DDX1: variants seen among roughly 807,000 people sequenced by gnomAD.
DDX1 encodes the protein ATP-dependent RNA helicase DDX1.
Under a neutral mutation model 108.7 loss-of-function variants are expected in DDX1, and 28 were observed. The observed-to-expected ratio is 0.26, with a 90% CI of 0.19 to 0.35. The LOEUF (loss-of-function observed/expected upper bound fraction) is 0.35, where lower values mean the gene tolerates loss of function less well. DDX1 is among the 10% of genes least tolerant of loss of function. The pLI is 1.00. For missense variants in DDX1, 710 were observed against 884.5 expected, an observed-to-expected ratio of 0.80 and a Z score of 2.50; for synonymous variants, 295 against 288.9, an observed-to-expected ratio of 1.02 and a Z score of -0.21.
At chr2:15,627,610 T>C (rs1235349408) in intron 20 of DDX1, 1 of 154,894 alleles carries the variant, frequency 6.5e-6, no homozygotes. Flanking sequence ...ACGGGTCATA[T>C]AGCTCTTGGT....
chr2:15,614,165 G>A (rs1475250135), intron 14 of DDX1, among the ~76,000 whole-genome samples: 5 of 152,110 alleles, frequency 3.3e-5, no homozygotes, highest in Admixed American at 2.6e-4. Flanking sequence ...TGTGAAGGTA[G>A]GACTTCATGA....
At chr2:15,630,185 TACTTTC>T (rs1487762293) in intron 25 of DDX1, 75 bp downstream of exon 25, 51 of 1,418,428 alleles carry the variant, frequency 3.6e-5, no homozygotes, top group Non-Finnish European at 4.8e-5. Context: ...GGGAAGGCAG[TACTTTC>T]ATTTCATTAG....
At chr2:15,629,225 C>G (rs767583620) in intron 23 of DDX1, among the ~76,000 whole-genome samples, 4 of 152,128 alleles carry the variant, frequency 2.6e-5, no homozygotes, top group Non-Finnish European at 4.4e-5. Context: ...AGTAGTTGTA[C>G]ATTTTGCATT....
At chr2:15,622,712 C>T (rs1666032917) in intron 18 of DDX1, among the ~76,000 whole-genome samples, 1 of 152,184 alleles carries the variant, frequency 6.6e-6, no homozygotes, top group African/African-American at 2.4e-5. Context: ...AATCTGTCAT[C>T]CCAAATGCAT....
In DDX1 at chr2:15,629,700, A is replaced by G. The variant is rs750424900; in HGVS notation, c.1971+3A>G. The G allele has an allele frequency of 1.7e-5, 27 of 1,554,796 alleles. No homozygotes were observed. The highest frequency in any genetic ancestry group is 2.2e-5 in the Non-Finnish European group (26 of 1,158,760). ...CCATATGGTACAACGAGATGCAGGT[A>G]AGACTTCGAGTTAGGCTCACAAATA... On this transcript the variant is annotated splice_donor_region_variant and intron_variant, in intron 24 of 25. Transcript: ENST00000233084.
chr2:15,609,326 G>A (rs985476310), intron 13 of DDX1, among the ~76,000 whole-genome samples: 4 of 152,152 alleles, frequency 2.6e-5, no homozygotes, highest in African/African-American at 4.8e-5. Context: ...CACTTGTTTG[G>A]TATTCGGTAC....
At position 15,595,538 on chromosome 2, in the gene DDX1, A is replaced by G. The variant is rs1192712987; in HGVS notation, c.117A>G (p.Gly39=). ...AATCTATCCCATTGATCTTAGGAGGAGGTGATGTACTTATGGTAAGTTTAA... is the reference window on the plus strand; with the variant it reads ...AATCTATCCCATTGATCTTAGGAGGGGGTGATGTACTTATGGTAAGTTTAA... ...QAESIPLILG[G]GDVLMAAETG... The change falls in exon 3 of 26, where the codon GGA becomes GGG. Residue 39 remains glycine, a synonymous_variant. Coordinates refer to ENST00000233084, the MANE Select transcript of DDX1 (RefSeq NM_004939.3). 6.2e-7 allele frequency: 1 copy of G among 1,608,950 alleles called. No homozygotes were observed. Among genetic ancestry groups the G allele is most frequent in the Non-Finnish European group, 8.5e-7 (1 of 1,175,372 alleles).
intron 13 of DDX1, 41 bp from the exon 14 acceptor site, chr2:15,613,183 A>ATTTTT: frequency 9.1e-7 from 1 of 1,100,448 alleles, no homozygotes; most frequent in Non-Finnish European, 1.3e-6. Flanking sequence ...GCAGACTTTA[A>ATTTTT]TTTTTTTTTT....
rs1395564214 is a variant in DDX1 at position 15,613,008 on chromosome 2, AGAGGGAGACCGTGGGGAGAGGGAGAGGGG to A, written c.957-210_957-182del. 1.6e-4 allele frequency among the ~76,000 whole-genome samples: 23 copies of A among 146,370 alleles called. No individual in the cohort carries two copies. In the East Asian group the frequency reaches 5.0e-3, roughly 32 times the overall value. Reference sequence around the variant, plus strand: ...AGAGGGAGACCGTGGAAAGAGAGGGAGAGGGAGACCGTGGGGAGAGGGAGAGGGGGAGGGGGAGGGAGAGGGCAGCGTGT... The same window carrying A: ...AGAGGGAGACCGTGGAAAGAGAGGGAGAGGGGGAGGGAGAGGGCAGCGTGT... On this transcript the variant is annotated intron_variant, in intron 13 of 25. Coordinates refer to ENST00000233084, the MANE Select transcript of DDX1 (RefSeq NM_004939.3).
At chr2:15,620,585 C>T (rs1354510681) in intron 17 of DDX1, among the ~76,000 whole-genome samples, 189 bp downstream of exon 17, 4 of 152,124 alleles carry the variant, frequency 2.6e-5, no homozygotes, top group Admixed American at 6.5e-5. Context: ...TTTCTGTCTT[C>T]GTAATATTAC....
At chr2:15,600,478 C>T (rs1665572327) in intron 6 of DDX1, among the ~76,000 whole-genome samples, 3 of 152,188 alleles carry the variant, frequency 2.0e-5, no homozygotes, top group South Asian at 4.1e-4. Context: ...ACTATACCCT[C>T]CAGTTTCAGA....
At chr2:15,593,743 C>T (rs1665455367) in intron 1 of DDX1, among the ~76,000 whole-genome samples, 1 of 151,690 alleles carries the variant, frequency 6.6e-6, no homozygotes, top group South Asian at 2.1e-4. Flanking sequence ...TTTAGATCTT[C>T]ATTAGTTTAT....
At chr2:15,613,159 T>A (rs1012771648) in intron 13 of DDX1, 65 bp from the exon 14 acceptor site, 1 of 1,117,284 alleles carries the variant, frequency 9.0e-7, no homozygotes. Context: ...TGGATGCAGA[T>A]CAAACAATGT....
intron 13 of DDX1, among the ~76,000 whole-genome samples, chr2:15,611,867 C>T (rs1345508766): frequency 1.5e-5 from 1 of 68,732 alleles, no homozygotes; most frequent in Non-Finnish European, 2.6e-5. Flanking sequence ...GGCGGCTGGG[C>T]AGAGGCGCCC....
chr2:15,620,008 C>A (rs1665968701), intron 16 of DDX1, among the ~76,000 whole-genome samples, 200 bp from the exon 17 acceptor site: 1 of 152,158 alleles, frequency 6.6e-6, no homozygotes, highest in Non-Finnish European at 1.5e-5. Context: ...GGCATGATTT[C>A]TATGTGACAG....
chr2:15,595,505 C>G lies in DDX1; in HGVS notation c.84C>G (p.Ile28Met). ...EEMDWLLPTDIQAESIPLILG... is the reference protein window; with the variant it reads ...EEMDWLLPTDMQAESIPLILG... ...ATTCTTTTAGCCTCCCAACTGATAT[C>G]CAGGCTGAATCTATCCCATTGATCT... The change falls in exon 3 of 26, where the codon ATC becomes ATG. Residue 28 changes from isoleucine to methionine, a missense_variant. Ile to Met is a conservative substitution (Grantham distance 10). This residue lies in a region of DDX1 where 48 missense variants were observed against 57.5 expected (regional missense o/e 0.83). Transcript: ENST00000233084. The G allele has an allele frequency of 1.2e-6, 2 of 1,611,030 alleles. No individual in the cohort carries two copies. Among genetic ancestry groups the G allele is most frequent in the Non-Finnish European group, 1.7e-6 (2 of 1,177,278 alleles).
At chr2:15,611,721 G>A (rs1665765710) in intron 13 of DDX1, among the ~76,000 whole-genome samples, 1 of 98,604 alleles carries the variant, frequency 1.0e-5, no homozygotes, top group African/African-American at 5.0e-5. Flanking sequence ...CGGACGGGGC[G>A]ACTGGCCGGG....
chr2:15,597,470 A>G lies in DDX1; in HGVS notation c.258A>G (p.Ser86=), dbSNP rs1665521105. ...KGKTTIKTGA[S]VLNKWQMNPY... is the part of the protein sequence containing the mutation. ...AAACAACAATTAAAACTGGTGCTTC[A>G]GGTAATTTTTGTAAATTGATATTTC... Residue 86 remains serine, a splice_region_variant and synonymous_variant, in exon 5 of 26, where the codon TCA becomes TCG. Transcript: ENST00000233084. 1 of 1,589,664 alleles carries G rather than the reference A, an allele frequency of 6.3e-7. No individual in the cohort carries two copies. The highest frequency in any genetic ancestry group is 1.4e-5 in the African/African-American group (1 of 73,806).
chr2:15,611,516 G>GCC (rs1450818249), intron 13 of DDX1, among the ~76,000 whole-genome samples: 1 of 133,598 alleles, frequency 7.5e-6, no homozygotes, highest in Non-Finnish European at 1.6e-5. Context: ...GCAGGGGGCT[G>GCC]ACCCCCCCAC....
Sources: allele counts gnomAD v4.1 joint callset (sites outside exome capture counted in the v4.1 genomes callset), GRCh38; gene constraint gnomAD v4.1.1; regional missense constraint gnomAD v4.1.1; transcripts MANE v1.5; gene names NCBI Gene and HGNC (gene_info 2026-07-23, HGNC 2026-07-21).